The following PROM2 variants were observed in gnomAD, a reference collection of about 807,000 sequenced individuals.
PROM2 encodes the protein prominin 2, also known as prominin-2.
In PROM2, 90 loss-of-function variants were observed where a neutral mutation model predicts 110.2. The observed-to-expected ratio is 0.82, with a 90% CI of 0.69 to 0.97. PROM2 has a LOEUF of 0.97. PROM2 is among the 50% of genes least tolerant of loss of function. The pLI, the probability that PROM2 is intolerant of heterozygous loss-of-function variation, is 0.00. For missense variants in PROM2, 1,009 were observed against 1,074.8 expected (o/e 0.94, Z 0.86); for synonymous variants, 470 against 467.8 (o/e 1.00, Z -0.06).
rs1676945823 is a variant in PROM2, at chr2:95,279,892, T to C, written c.1322T>C (p.Leu441Pro). ...TGCTCCGTGGTCCTATTCGTGGTGCTCTGCAACCTGCTGGGCCTCAATCTG... is the reference window on the plus strand; with the variant it reads ...TGCTCCGTGGTCCTATTCGTGGTGCCCTGCAACCTGCTGGGCCTCAATCTG... ...VLCSVVLFVV[L>P]CNLLGLNLGI... The change falls in exon 11 of 24, where the codon CTC becomes CCC. Residue 441 changes from leucine to proline, a missense_variant. Coordinates refer to ENST00000317620, the MANE Select transcript of PROM2 (RefSeq NM_001165978.3). 6.4e-7 allele frequency: 1 copy of C among 1,557,772 alleles called. No individual in the cohort carries two copies. The highest frequency in any genetic ancestry group is 1.4e-5 in the African/African-American group (1 of 72,590).
rs564648617 is a variant in PROM2 at position 95,288,727 on chromosome 2, C to T, written c.2441+138C>T. 4 of 831,488 alleles carry T rather than the reference C, an allele frequency of 4.8e-6. No homozygotes were observed. The South Asian group carries it at 6.6e-5, about 14-fold the overall frequency. 51.5% of individuals were successfully genotyped at this position (831,488 alleles called of 1,614,324 possible). A position where few individuals can be genotyped will look rare whatever the true frequency, so the allele number is the denominator to read the frequency against. On this transcript the variant is annotated intron_variant, in intron 22 of 23. Coordinates refer to ENST00000317620, the MANE Select transcript of PROM2 (RefSeq NM_001165978.3). The stretch of plus-strand genomic sequence containing the variant: ...TGAGCGAGCCCTGAAGAGCCACACT[C>T]TGAGGAGCTCCAAAGCCAGGAAGTT...
At chr2:95,285,187 G>A (rs1372341419) in intron 15 of PROM2, 72 bp downstream of exon 15, 19 of 1,435,094 alleles carry the variant, frequency 1.3e-5, no homozygotes, top group Non-Finnish European at 1.6e-5. Flanking sequence ...CAGAGGAGCT[G>A]GGTGTGCATC....
chr2:95,279,263 C>T, intron 10 of PROM2, 119 bp downstream of exon 10: 1 of 750,010 alleles, frequency 1.3e-6, no homozygotes, highest in Non-Finnish European at 2.0e-6. Flanking sequence ...TACTGAGCCT[C>T]TGTGTTTTTT....
At position 95,276,784 on chromosome 2, in the gene PROM2, A is replaced by G; in HGVS notation, c.682+127A>G. Reference sequence around the variant, plus strand: ...GAACAGGCTGGTAGAGGTGGGGATCAGGCCGGCTGGAGAGCAAGAGTGGCC... The same window carrying G: ...GAACAGGCTGGTAGAGGTGGGGATCGGGCCGGCTGGAGAGCAAGAGTGGCC... On this transcript the variant is annotated intron_variant, in intron 5 of 23. Coordinates refer to ENST00000317620, the MANE Select transcript of PROM2 (RefSeq NM_001165978.3). This position sits in a 1 kb window ranked among gnomAD's most constrained non-coding sequence, Gnocchi z 4.6. 1 of 1,212,618 alleles carries G rather than the reference A, an allele frequency of 8.2e-7. No homozygotes were observed. Among genetic ancestry groups the G allele is most frequent in the African/African-American group, 1.5e-5 (1 of 66,432 alleles). 75.1% of individuals were successfully genotyped at this position (1,212,618 alleles called of 1,614,324 possible). A position where few individuals can be genotyped will look rare whatever the true frequency, so the allele number is the denominator to read the frequency against.
Position 95,274,535 on chromosome 2 carries a change from C to T in PROM2, c.-51C>T. The T allele has an allele frequency of 6.6e-7, 1 of 1,512,348 alleles. No homozygotes were observed. Among genetic ancestry groups the T allele is most frequent in the Non-Finnish European group, 8.9e-7 (1 of 1,128,464 alleles). The allele number at this position is 1,512,348 out of a possible 1,614,324, so 93.7% of individuals were successfully genotyped here. A position where few individuals can be genotyped will look rare whatever the true frequency, so the allele number is the denominator to read the frequency against. On this transcript the variant is annotated 5_prime_UTR_variant, in exon 1 of 24. Coordinates refer to ENST00000317620, the MANE Select transcript of PROM2 (RefSeq NM_001165978.3). The stretch of plus-strand genomic sequence containing the variant: ...GCTGGAGAAGGATGTATGGCCTGCC[C>T]TGGGCTTGTCTGTTCCCTCCTGAGC...
chr2:95,283,157 G>C (rs1558746704), intron 14 of PROM2, among the ~76,000 whole-genome samples: 2 of 152,226 alleles, frequency 1.3e-5, no homozygotes, highest in African/African-American at 4.8e-5. Context: ...GTGCTAGGCT[G>C]AGACACTGCC....
Position 95,282,158 on chromosome 2 carries a change from G to T in PROM2, c.1660G>T (p.Ala554Ser), listed in dbSNP as rs1310300667. 9.9e-6 allele frequency: 16 copies of T among 1,613,874 alleles called. No homozygotes were observed. Among genetic ancestry groups the T allele is most frequent in the Non-Finnish European group, 1.4e-5 (16 of 1,179,972 alleles). The change falls in exon 14 of 24, where the codon GCA becomes TCA. Residue 554 changes from alanine (A) to serine (S), a missense_variant. Transcript: ENST00000317620. ...CCTCCTCAGGCAGTGCAAGGAAGGG[G>T]CAGCGCTCTGGACAGTCCTGCAGCT... ...HQAYQQCKEG[A>S]ALWTVLQLND...
In PROM2 at chr2:95,275,745, G is replaced by A; in HGVS notation, c.295-185G>A. The A allele has an allele frequency of 2.1e-6, 3 of 1,453,436 alleles. No individual in the cohort carries two copies. In the South Asian group the frequency reaches 4.3e-5, roughly 21 times the overall value. 90.0% of individuals were successfully genotyped at this position (1,453,436 alleles called of 1,614,324 possible). A position where few individuals can be genotyped will look rare whatever the true frequency, so the allele number is the denominator to read the frequency against. ...GGGAGCTGGAACTTCCTGAACTTCA[G>A]CTTCCTCCTGTGTAAGATGGTGATG... On this transcript the variant is annotated intron_variant, in intron 2 of 23. Transcript: ENST00000317620. This position sits in a 1 kb window ranked among gnomAD's most constrained non-coding sequence, Gnocchi z 4.4.
chr2:95,288,852 C>T, intron 22 of PROM2, 81 bp from the exon 23 acceptor site: 1 of 1,410,776 alleles, frequency 7.1e-7, no homozygotes, highest in Non-Finnish European at 1.0e-6. Flanking sequence ...GAGAAACCCT[C>T]AGGGCTCTGG....
chr2:95,282,473 G>T (rs1366658161), intron 14 of PROM2, among the ~76,000 whole-genome samples: 1 of 152,212 alleles, frequency 6.6e-6, no homozygotes, highest in Non-Finnish European at 1.5e-5. Flanking sequence ...AGCAGGAAAG[G>T]CTGGTGACAG....
chr2:95,279,122 G>T lies in PROM2; in HGVS notation c.1252G>T (p.Val418Leu). Residue 418 changes from valine to leucine, a missense_variant, in exon 10 of 24, where the codon GTG becomes TTG. Transcript: ENST00000317620. Reference sequence around the variant, plus strand: ...GAGCAGCCGCCCCTACCTGCAGGAGGTGCAGAGATACGAGACCTACAGGTG... The same window carrying T: ...GAGCAGCCGCCCCTACCTGCAGGAGTTGCAGAGATACGAGACCTACAGGTG... ...EESSRPYLQE[V>L]QRYETYRWIV... The T allele has an allele frequency of 3.6e-6, 5 of 1,379,284 alleles. No homozygotes were observed. The highest frequency in any genetic ancestry group is 4.8e-6 in the Non-Finnish European group (5 of 1,038,162). 85.4% of individuals were successfully genotyped at this position (1,379,284 alleles called of 1,614,324 possible).
chr2:95,277,660 T>A, intron 7 of PROM2, 94 bp downstream of exon 7: 2 of 1,270,260 alleles, frequency 1.6e-6, no homozygotes, highest in Non-Finnish European at 2.1e-6. Flanking sequence ...CTTGCCCCAA[T>A]GTTCCTCCCT....
In PROM2 at chr2:95,279,872, C is replaced by A. The variant is rs201008628; in HGVS notation, c.1302C>A (p.Ser434=). ...YRWIVGCVLC[S]VVLFVVLCNL... is the part of the protein sequence containing the mutation. ...GGATCGTGGGCTGCGTGCTGTGCTC[C>A]GTGGTCCTATTCGTGGTGCTCTGCA... The change falls in exon 11 of 24, where the codon TCC becomes TCA. Residue 434 remains serine, a synonymous_variant. Transcript: ENST00000317620. 1.3e-6 allele frequency: 2 copies of A among 1,532,162 alleles called. No individual in the cohort carries two copies. Among genetic ancestry groups the A allele is most frequent in the African/African-American group, 2.8e-5 (2 of 71,362 alleles). The allele number at this position is 1,532,162 out of a possible 1,614,324, so 94.9% of individuals were successfully genotyped here. A position where few individuals can be genotyped will look rare whatever the true frequency, so the allele number is the denominator to read the frequency against.
Position 95,277,568 on chromosome 2 carries a change from TGCAGA to T in PROM2, c.975+3_975+7del, listed in dbSNP as rs770160661. On this transcript the variant is annotated splice_donor_5th_base_variant and intron_variant, in intron 7 of 23. Transcript: ENST00000317620. ...GAGCTGGGTGCTGACTTCAGCCAGG[TGCAGA>T]CCCAGGACAGAGTCCTCTTAAAGCC... is the stretch of plus-strand genomic sequence containing the variant. The T allele has an allele frequency of 1.3e-4, 202 of 1,564,328 alleles. No individual in the cohort carries two copies. Among genetic ancestry groups the T allele is most frequent in the Non-Finnish European group, 1.7e-4 (193 of 1,156,926 alleles).
chr2:95,288,441 G>A lies in PROM2; in HGVS notation c.2335-42G>A, dbSNP rs372915935. On this transcript the variant is annotated intron_variant, in intron 21 of 23. Coordinates refer to ENST00000317620, the MANE Select transcript of PROM2 (RefSeq NM_001165978.3). ...TGACAAGGCAGCTGGGTGAGGCTGGGTGCCACGTGGGTTGGTGAGCCGACC... is the reference window on the plus strand; with the variant it reads ...TGACAAGGCAGCTGGGTGAGGCTGGATGCCACGTGGGTTGGTGAGCCGACC... The A allele has an allele frequency of 3.1e-6, 5 of 1,600,384 alleles. No homozygotes were observed. The African/African-American group carries it at 4.0e-5, about 13-fold the overall frequency.
intron 14 of PROM2, among the ~76,000 whole-genome samples, chr2:95,283,778 C>G (rs1174870102): frequency 6.6e-6 from 1 of 151,676 alleles, no homozygotes; most frequent in Non-Finnish European, 1.5e-5. Flanking sequence ...CAGTTTCATT[C>G]ATTCATTCAT....
At chr2:95,286,421 C>A (rs2104140724) in intron 16 of PROM2, 58 bp from the exon 17 acceptor site, 3 of 1,464,054 alleles carry the variant, frequency 2.0e-6, no homozygotes, top group East Asian at 2.3e-5. Context: ...GACTGAAAGG[C>A]TGGGTGACGG....
In PROM2 at chr2:95,277,043, G is replaced by A. The variant is rs1001916471; in HGVS notation, c.754G>A (p.Val252Met). The A allele has an allele frequency of 1.1e-5, 17 of 1,551,820 alleles. No homozygotes were observed. Among genetic ancestry groups the A allele is most frequent in the East Asian group, 7.3e-5 (3 of 41,086 alleles). Residue 252 changes from valine (V) to methionine (M), a missense_variant, in exon 6 of 24, where the codon GTG becomes ATG. Transcript: ENST00000317620. ...CTCCGTGTACCCCTTGCTGGCGGCC[G>A]TGGGCAGTTTGGGCCAGGGTGAGCT... is the stretch of plus-strand genomic sequence containing the variant. ...RSSVYPLLAA[V>M]GSLGQVLQVS...
In PROM2 at chr2:95,290,369, C is replaced by T. The variant is rs1278651867; in HGVS notation, c.*1156C>T. 3 of 152,160 alleles carry T rather than the reference C, an allele frequency of 2.0e-5. No individual in the cohort carries two copies. Among genetic ancestry groups the T allele is most frequent in the African/African-American group, 7.2e-5 (3 of 41,406 alleles). 9.4% of individuals were successfully genotyped at this position (152,160 alleles called of 1,614,324 possible). ...AGGTTTCCTAGGCTGGGACCCTGTACATAGTTGGTGTTTAATGAGTGTTTA... is the reference window on the plus strand; with the variant it reads ...AGGTTTCCTAGGCTGGGACCCTGTATATAGTTGGTGTTTAATGAGTGTTTA... On this transcript the variant is annotated 3_prime_UTR_variant, in exon 24 of 24. Transcript: ENST00000317620.
Sources: allele counts gnomAD v4.1 joint callset (sites outside exome capture counted in the v4.1 genomes callset), GRCh38; gene constraint gnomAD v4.1.1; non-coding constraint Gnocchi (gnomAD v3.1); transcripts MANE v1.5; gene names NCBI Gene and HGNC (gene_info 2026-07-23, HGNC 2026-07-21).